The following ZNF225 variants were observed in gnomAD, a reference collection of about 807,000 sequenced individuals.
The protein encoded by ZNF225 is zinc finger protein 225.
Under a neutral mutation model 12.0 loss-of-function variants are expected in ZNF225, and 6 were observed. The ratio of observed to expected loss-of-function variants is 0.50; its 90% CI spans 0.27 to 0.98. The LOEUF (loss-of-function observed/expected upper bound fraction) is 0.98. Ranked by LOEUF, ZNF225 falls within the 50% of genes least tolerant of loss-of-function variation. The pLI is 0.11. For synonymous variants in ZNF225, 271 were observed against 283.2 expected, an observed-to-expected ratio of 0.96 and a Z score of 0.43; for missense variants, 763 against 848.2, an observed-to-expected ratio of 0.90 and a Z score of 1.25.
At chr19:44,114,921 G>A (rs925839821) in intron 1 of ZNF225, among the ~76,000 whole-genome samples, 4 of 151,874 alleles carry the variant, frequency 2.6e-5, no homozygotes, top group South Asian at 2.1e-4. Flanking sequence ...TCAGATTTCC[G>A]CATTGTAAAA....
chr19:44,120,109 C>T (rs997598253), intron 4 of ZNF225, among the ~76,000 whole-genome samples: 1 of 152,068 alleles, frequency 6.6e-6, no homozygotes, highest in African/African-American at 2.4e-5. Flanking sequence ...CTCAGTTACT[C>T]GGGAGGCTGA....
intron 4 of ZNF225, among the ~76,000 whole-genome samples, chr19:44,121,783 C>T (rs1599676141): frequency 1.3e-5 from 2 of 152,126 alleles, no homozygotes; most frequent in East Asian, 3.9e-4. Context: ...TGTTGGCCAT[C>T]TATATCTTCT....
rs551568569 is a variant in ZNF225 at position 44,133,310 on chromosome 19, TGGG to T, written c.*580_*582del. On this transcript the variant is annotated 3_prime_UTR_variant, in exon 5 of 5. Coordinates refer to ENST00000262894, the MANE Select transcript of ZNF225 (RefSeq NM_013362.4). Reference sequence around the variant, plus strand: ...ATCGTGAATGGTGCTGCAATAAACATGGGGGGGTGGAGATAACACTTTAACATA... The same window carrying T: ...ATCGTGAATGGTGCTGCAATAAACATGGGGTGGAGATAACACTTTAACATA... 6.6e-6 allele frequency: 1 copy of T among 152,252 alleles called. No homozygotes were observed. The highest frequency in any genetic ancestry group is 1.5e-5 in the Non-Finnish European group (1 of 68,198). The allele number at this position is 152,252 out of a possible 1,614,324, so 9.4% of individuals were successfully genotyped here. A position where few individuals can be genotyped will look rare whatever the true frequency, so the allele number is the denominator to read the frequency against.
Position 44,134,502 on chromosome 19 carries a change from G to C in ZNF225, c.*1767G>C, listed in dbSNP as rs745500979. ...CTCAGGCCTGTTATATTAACTTTTT[G>C]TGCACATAGTACTAGAAAACTGTTG... On this transcript the variant is annotated 3_prime_UTR_variant, in exon 5 of 5. Coordinates refer to ENST00000262894, the MANE Select transcript of ZNF225 (RefSeq NM_013362.4). 6.6e-6 allele frequency: 1 copy of C among 152,152 alleles called. No individual in the cohort carries two copies. Among genetic ancestry groups the C allele is most frequent in the Admixed American group, 6.6e-5 (1 of 15,260 alleles). The allele number at this position is 152,152 out of a possible 1,614,324, so 9.4% of individuals were successfully genotyped here. A position where few individuals can be genotyped will look rare whatever the true frequency, so the allele number is the denominator to read the frequency against.
At position 44,131,694 on chromosome 19, in the gene ZNF225, T is replaced by A. The variant is rs905476185; in HGVS notation, c.1080T>A (p.Tyr360Ter). 6.2e-7 allele frequency: 1 copy of A among 1,614,136 alleles called. No homozygotes were observed. ...GKRFIYRQDL[Y>*]KHQIDHTGEK... Reference sequence around the variant, plus strand: ...GCTTCATTTATAGGCAAGATCTTTATAAGCATCAGATAGACCACACAGGGG... The same window carrying A: ...GCTTCATTTATAGGCAAGATCTTTAAAAGCATCAGATAGACCACACAGGGG... The change falls in exon 5 of 5, where the codon TAT (tyrosine) becomes TAA (stop). Residue 360 changes from tyrosine to a stop codon, truncating the protein, a stop_gained. Coordinates refer to ENST00000262894, the MANE Select transcript of ZNF225 (RefSeq NM_013362.4). LOFTEE classifies it low-confidence loss of function (END_TRUNC).
rs991735524 is a variant in ZNF225 at position 44,134,514 on chromosome 19, C to T, written c.*1779C>T. The T allele has an allele frequency of 2.0e-5, 3 of 152,198 alleles. No individual in the cohort carries two copies. Among genetic ancestry groups the T allele is most frequent in the Non-Finnish European group, 2.9e-5 (2 of 68,046 alleles). The allele number at this position is 152,198 out of a possible 1,614,324, so 9.4% of individuals were successfully genotyped here. A position where few individuals can be genotyped will look rare whatever the true frequency, so the allele number is the denominator to read the frequency against. On this transcript the variant is annotated 3_prime_UTR_variant, in exon 5 of 5. Coordinates refer to ENST00000262894, the MANE Select transcript of ZNF225 (RefSeq NM_013362.4). The stretch of plus-strand genomic sequence containing the variant: ...ATATTAACTTTTTGTGCACATAGTA[C>T]TAGAAAACTGTTGGCTCAGTCTTCT...
At chr19:44,114,173 T>C in intron 1 of ZNF225, 2 of 1,017,362 alleles carry the variant, frequency 2.0e-6, no homozygotes, top group South Asian at 2.7e-5. Flanking sequence ...CCAAAAGAGC[T>C]GCAGGGAGGG....
chr19:44,132,846 T>G lies in ZNF225; in HGVS notation c.*111T>G. On this transcript the variant is annotated 3_prime_UTR_variant, in exon 5 of 5. Transcript: ENST00000262894. ...TATCACCTCAAACATTTATCATTTA[T>G]TTATGTTGGGAACCCTTAAAATTCA... The G allele has an allele frequency of 2.0e-6, 2 of 1,009,770 alleles. No individual in the cohort carries two copies. The highest frequency in any genetic ancestry group is 3.7e-5 in the South Asian group (2 of 54,494). The allele number at this position is 1,009,770 out of a possible 1,614,324, so 62.6% of individuals were successfully genotyped here.
intron 1 of ZNF225, among the ~76,000 whole-genome samples, chr19:44,114,851 T>G (rs546921821): frequency 1.3e-5 from 2 of 152,346 alleles, no homozygotes; most frequent in East Asian, 3.9e-4. Flanking sequence ...AGGGGCCATA[T>G]GTCAGTTTGT....
chr19:44,118,058 T>C (rs1967975761), intron 2 of ZNF225, 130 bp from the exon 3 acceptor site: 2 of 858,850 alleles, frequency 2.3e-6, no homozygotes, highest in Non-Finnish European at 1.6e-6. Flanking sequence ...AAAAAGGAAG[T>C]CTGTGTGTTG....
chr19:44,118,131 C>T, intron 2 of ZNF225, 57 bp from the exon 3 acceptor site: 1 of 1,570,784 alleles, frequency 6.4e-7, no homozygotes, highest in Non-Finnish European at 8.6e-7. Flanking sequence ...TCAGTGCCAC[C>T]CCTCTCTCAG....
In ZNF225 at chr19:44,131,489, T is replaced by C. The variant is rs1269201093; in HGVS notation, c.875T>C (p.Ile292Thr). The change falls in exon 5 of 5, where the codon ATA becomes ACA. Residue 292 changes from isoleucine (I) to threonine (T), a missense_variant. By Grantham distance (89) the Ile-to-Thr change is moderately conservative (BLOSUM62 -1). Coordinates refer to ENST00000262894, the MANE Select transcript of ZNF225 (RefSeq NM_013362.4). ...HTGEKPFKCD[I>T]CCKSFRSRAN... ...GGGGAGAAGCCATTCAAATGTGATA[T>C]ATGTTGTAAGAGCTTCCGTAGTAGA... 2.5e-6 allele frequency: 4 copies of C among 1,614,024 alleles called. No individual in the cohort carries two copies. Among genetic ancestry groups the C allele is most frequent in the Non-Finnish European group, 3.4e-6 (4 of 1,179,972 alleles).
At chr19:44,126,828 T>C (rs559296668) in intron 4 of ZNF225, among the ~76,000 whole-genome samples, 1 of 152,282 alleles carries the variant, frequency 6.6e-6, no homozygotes, top group East Asian at 1.9e-4. Flanking sequence ...AGGGGAAAGC[T>C]GGCAGTCATA....
intron 4 of ZNF225, among the ~76,000 whole-genome samples, chr19:44,126,392 T>A (rs1376153036): frequency 6.6e-6 from 1 of 152,178 alleles, no homozygotes; most frequent in East Asian, 1.9e-4. Context: ...TGATATGAAC[T>A]GTCTGTGGGT....
Position 44,131,767 on chromosome 19 carries a change from T to G in ZNF225, c.1153T>G (p.Ser385Ala). The change falls in exon 5 of 5, where the codon TCA (serine) becomes GCA (alanine). Residue 385 changes from serine to alanine, a missense_variant. Transcript: ENST00000262894. ...ATGTGGAAAGAGCTTCAGATGGGCC[T>G]CAGGTCTTTCAAGACATGTGCGAGT... ...KECGKSFRWA[S>A]GLSRHVRVHS... 1.2e-6 allele frequency: 2 copies of G among 1,614,204 alleles called. No individual in the cohort carries two copies. Among genetic ancestry groups the G allele is most frequent in the Non-Finnish European group, 1.7e-6 (2 of 1,180,032 alleles).
At chr19:44,112,142 G>A (rs550989394), upstream of ZNF225, 2 of 152,288 alleles carry the variant, frequency 1.3e-5, no homozygotes, top group East Asian at 1.9e-4. Context: ...CGTTTACATA[G>A]TGCGTGGGGA....
rs368458907 is a variant in ZNF225, at chr19:44,131,186, T to A, written c.572T>A (p.Leu191His). ...CGKSFCYSSA[L>H]RIHQRVHMGE... Reference sequence around the variant, plus strand: ...AAGAGTTTCTGTTATAGCTCAGCTCTTCGTATTCATCAGAGAGTTCACATG... The same window carrying A: ...AAGAGTTTCTGTTATAGCTCAGCTCATCGTATTCATCAGAGAGTTCACATG... The change falls in exon 5 of 5, where the codon CTT becomes CAT. Residue 191 changes from leucine (L) to histidine (H), a missense_variant. Physicochemically the swap from Leu to His is moderately conservative, Grantham distance 99. Coordinates refer to ENST00000262894, the MANE Select transcript of ZNF225 (RefSeq NM_013362.4). 6.2e-7 allele frequency: 1 copy of A among 1,614,092 alleles called. No individual in the cohort carries two copies. Among genetic ancestry groups the A allele is most frequent in the Non-Finnish European group, 8.5e-7 (1 of 1,180,052 alleles).
chr19:44,118,344 A>G (rs1967985788), intron 3 of ZNF225, 30 bp downstream of exon 3: 2 of 1,610,168 alleles, frequency 1.2e-6, no homozygotes, highest in Non-Finnish European at 1.7e-6. Context: ...GTAAGGGAAC[A>G]TCAGGACCAG....
At chr19:44,118,425 C>T in intron 3 of ZNF225, 57 bp from the exon 4 acceptor site, 3 of 1,611,164 alleles carry the variant, frequency 1.9e-6, no homozygotes, top group Admixed American at 3.4e-5. Context: ...GTAAATTTTA[C>T]TTAGATTTTT....
Sources: gnomAD v4.1 joint callset for allele counts (sites outside exome capture counted in the v4.1 genomes callset) on GRCh38, gnomAD v4.1.1 for gene constraint, MANE v1.5 for transcripts, NCBI Gene and HGNC (gene_info 2026-07-23, HGNC 2026-07-21) for gene names.